EVI5L: variants seen among roughly 807,000 people sequenced by gnomAD.
EVI5L encodes the protein EVI5-like protein.
Under a neutral mutation model 106.1 loss-of-function variants are expected in EVI5L, and 30 were observed. That is an observed-to-expected ratio of 0.28 (90% CI 0.21 to 0.38). EVI5L has a LOEUF of 0.38. Among genes scored for constraint, EVI5L ranks in the 10% least tolerant of loss-of-function variants. The pLI is 1.00. For synonymous variants in EVI5L, 489 were observed against 483.3 expected, an observed-to-expected ratio of 1.01 and a Z score of -0.15; for missense variants, 809 against 1,098.0, an observed-to-expected ratio of 0.74 and a Z score of 3.72.
intron 2 of EVI5L, 133 bp downstream of exon 2, chr19:7,846,812 G>A (rs1325795799): frequency 2.7e-5 from 34 of 1,243,446 alleles, no homozygotes; most frequent in Non-Finnish European, 3.5e-5. Flanking sequence ...GATGCTGGAT[G>A]AGGGACAGAC....
chr19:7,831,358 T>C (rs1339262313), intron 1 of EVI5L, among the ~76,000 whole-genome samples: 1 of 138,108 alleles, frequency 7.2e-6, no homozygotes, highest in Admixed American at 7.3e-5. Flanking sequence ...CCCCACCCAC[T>C]CAACACTTCT....
At chr19:7,839,009 A>G (rs1457380517) in intron 1 of EVI5L, among the ~76,000 whole-genome samples, 2 of 151,778 alleles carry the variant, frequency 1.3e-5, no homozygotes, top group Admixed American at 1.3e-4. Flanking sequence ...AAAGAAAAAA[A>G]AAAAAATCCT....
chr19:7,843,384 A>AGTATGTGCAT (rs1978770497), intron 1 of EVI5L, among the ~76,000 whole-genome samples: 1 of 24,924 alleles, frequency 4.0e-5, no homozygotes, highest in Non-Finnish European at 9.3e-5. Context: ...GGGTGTGTCG[A>AGTATGTGCAT]GTGTGTGCAT....
chr19:7,863,287 C>A lies in EVI5L; in HGVS notation c.2139+7C>A. On this transcript the variant is annotated splice_region_variant and intron_variant, in intron 19 of 19. Coordinates refer to ENST00000538904, the MANE Select transcript of EVI5L (RefSeq NM_001159944.3). The surrounding 1 kb of genome is among the most constrained non-coding windows in gnomAD (Gnocchi z 7.7). ...CGAGGAGCTGAAGGCCGAGGTGAGC[C>A]GGCGCGGGGATGCCGGGGACAGGCC... is the stretch of plus-strand genomic sequence containing the variant. The A allele has an allele frequency of 6.4e-7, 1 of 1,553,256 alleles. No individual in the cohort carries two copies. Among genetic ancestry groups the A allele is most frequent in the South Asian group, 1.2e-5 (1 of 84,258 alleles).
Position 7,863,440 on chromosome 19 carries a change from G to A in EVI5L, c.2156G>A (p.Gly719Asp). 4 of 1,548,282 alleles carry A rather than the reference G, an allele frequency of 2.6e-6. No individual in the cohort carries two copies. The highest frequency in any genetic ancestry group is 3.5e-6 in the Non-Finnish European group (4 of 1,147,392). ...ELKAEVRLLK[G>D]PPPFEDPLAF... is the part of the protein sequence containing the mutation. The stretch of plus-strand genomic sequence containing the variant: ...CCGCCCCAGGTGCGGCTGCTGAAGG[G>A]CCCGCCGCCCTTCGAGGACCCGCTG... Residue 719 changes from glycine to aspartate, a missense_variant, in exon 20 of 20, where the codon GGC (glycine) becomes GAC (aspartate). Physicochemically the swap from Gly to Asp is moderately conservative, Grantham distance 94 (BLOSUM62 -1). Coordinates refer to ENST00000538904, the MANE Select transcript of EVI5L (RefSeq NM_001159944.3). The surrounding 1 kb of genome is among the most constrained non-coding windows in gnomAD (Gnocchi z 7.7).
intron 1 of EVI5L, among the ~76,000 whole-genome samples, chr19:7,842,513 G>A (rs1196775130): frequency 1.3e-5 from 2 of 149,312 alleles, no homozygotes; most frequent in Non-Finnish European, 2.9e-5. Flanking sequence ...TGTGTATCAA[G>A]TGTGTGCATG....
At chr19:7,839,613 G>A (rs1015495987) in intron 1 of EVI5L, among the ~76,000 whole-genome samples, 6 of 152,180 alleles carry the variant, frequency 3.9e-5, no homozygotes, top group South Asian at 4.1e-4. Flanking sequence ...TTCAATGGAC[G>A]TGGCAGGCGC....
Position 7,857,536 on chromosome 19 carries a change from C to T in EVI5L, c.1233+412C>T. Reference sequence around the variant, plus strand: ...CACACGCCCGGCCCTCACGCTGCTGCTCTCTGCTCCTACCTGCAATGCCTG... The same window carrying T: ...CACACGCCCGGCCCTCACGCTGCTGTTCTCTGCTCCTACCTGCAATGCCTG... On this transcript the variant is annotated intron_variant, in intron 12 of 19. Transcript: ENST00000538904. The surrounding 1 kb of genome is among the most constrained non-coding windows in gnomAD (Gnocchi z 4.5). The T allele has an allele frequency of 3.6e-6, 1 of 279,534 alleles. No homozygotes were observed. Among genetic ancestry groups the T allele is most frequent in the South Asian group, 4.6e-5 (1 of 21,978 alleles). 17.3% of individuals were successfully genotyped at this position (279,534 alleles called of 1,614,324 possible). A position where few individuals can be genotyped will look rare whatever the true frequency, so the allele number is the denominator to read the frequency against.
chr19:7,854,046 C>T (rs1979403381), intron 10 of EVI5L, among the ~76,000 whole-genome samples: 1 of 152,094 alleles, frequency 6.6e-6, no homozygotes, highest in African/African-American at 2.4e-5. Flanking sequence ...CTTTGGGAGG[C>T]GGAGGCAGGT....
At chr19:7,844,779 G>C (rs1978876673) in intron 1 of EVI5L, among the ~76,000 whole-genome samples, 1 of 152,226 alleles carries the variant, frequency 6.6e-6, no homozygotes, top group Non-Finnish European at 1.5e-5. Flanking sequence ...GCAGACTAGG[G>C]GAACGCTTGA....
chr19:7,857,273 C>T lies in EVI5L; in HGVS notation c.1233+149C>T. On this transcript the variant is annotated intron_variant, in intron 12 of 19. Coordinates refer to ENST00000538904, the MANE Select transcript of EVI5L (RefSeq NM_001159944.3). This position sits in a 1 kb window ranked among gnomAD's most constrained non-coding sequence, Gnocchi z 4.5. ...GCAGCTGGGGACCGCTTCTGGGGGACACAGAGGCTTCCCGGGGGGGCGGGG... is the reference window on the plus strand; with the variant it reads ...GCAGCTGGGGACCGCTTCTGGGGGATACAGAGGCTTCCCGGGGGGGCGGGG... 9.5e-7 allele frequency: 1 copy of T among 1,056,492 alleles called. No homozygotes were observed. Among genetic ancestry groups the T allele is most frequent in the Non-Finnish European group, 1.4e-6 (1 of 707,746 alleles). The allele number at this position is 1,056,492 out of a possible 1,614,324, so 65.4% of individuals were successfully genotyped here.
chr19:7,860,664 A>G lies in EVI5L; in HGVS notation c.1478A>G (p.Gln493Arg). 1 of 1,591,592 alleles carries G rather than the reference A, an allele frequency of 6.3e-7. No homozygotes were observed. The highest frequency in any genetic ancestry group is 8.6e-7 in the Non-Finnish European group (1 of 1,169,188). ...TETLGALREM[Q>R]DKVLDMEKRN... ...ACACTGGGGGCCCTTCGGGAGATGCAGGACAAGGTTCTCGACATGGAAAAG... is the reference window on the plus strand; with the variant it reads ...ACACTGGGGGCCCTTCGGGAGATGCGGGACAAGGTTCTCGACATGGAAAAG... The change falls in exon 14 of 20, where the codon CAG (glutamine) becomes CGG (arginine). Residue 493 changes from glutamine to arginine, a missense_variant. Transcript: ENST00000538904.
At chr19:7,844,594 G>A (rs1978870317) in intron 1 of EVI5L, among the ~76,000 whole-genome samples, 2 of 152,182 alleles carry the variant, frequency 1.3e-5, no homozygotes. Flanking sequence ...TCTCTGTCCG[G>A]GCAGACTTTG....
At chr19:7,853,941 T>G (rs1295182868) in intron 10 of EVI5L, among the ~76,000 whole-genome samples, 1 of 152,192 alleles carries the variant, frequency 6.6e-6, no homozygotes, top group African/African-American at 2.4e-5. Context: ...TTCTCTCTCC[T>G]TCCTTGCGCA....
At chr19:7,862,898 T>A in intron 17 of EVI5L, 74 bp from the exon 18 acceptor site, 4 of 915,360 alleles carry the variant, frequency 4.4e-6, no homozygotes, top group Non-Finnish European at 6.0e-6. Flanking sequence ...CATTCGCCCC[T>A]GCCCGCGGTC....
intron 1 of EVI5L, among the ~76,000 whole-genome samples, chr19:7,843,539 CGA>C (rs1047003021): frequency 2.2e-4 from 19 of 86,460 alleles, no homozygotes; most frequent in Non-Finnish European, 3.8e-4. Flanking sequence ...ATGGGTGTGT[CGA>C]GTGTGTGCAT....
Position 7,863,818 on chromosome 19 carries a change from G to A in EVI5L, c.*116G>A, listed in dbSNP as rs993678597. 1.5e-6 allele frequency: 2 copies of A among 1,367,758 alleles called. No homozygotes were observed. The highest frequency in any genetic ancestry group is 1.9e-6 in the Non-Finnish European group (2 of 1,050,418). 84.7% of individuals were successfully genotyped at this position (1,367,758 alleles called of 1,614,324 possible). A position where few individuals can be genotyped will look rare whatever the true frequency, so the allele number is the denominator to read the frequency against. On this transcript the variant is annotated 3_prime_UTR_variant, in exon 20 of 20. Transcript: ENST00000538904. This position sits in a 1 kb window ranked among gnomAD's most constrained non-coding sequence, Gnocchi z 7.7. ...CAAACTACGCGCCCTCTGTGGCTCG[G>A]CCACCCCTAAAGCGAGGCCCGGCGA...
chr19:7,856,959 C>T lies in EVI5L; in HGVS notation c.1201-133C>T, dbSNP rs1555694006. ...TCCTGCTGGTTCTCTGGTCTTCCCT[C>T]CTCTCTCCCCCGCTTCTAGAGATAG... On this transcript the variant is annotated intron_variant, in intron 11 of 19. Coordinates refer to ENST00000538904, the MANE Select transcript of EVI5L (RefSeq NM_001159944.3). This position sits in a 1 kb window ranked among gnomAD's most constrained non-coding sequence, Gnocchi z 6.6. The T allele has an allele frequency of 2.7e-5, 25 of 925,718 alleles. No homozygotes were observed. In the South Asian group the frequency reaches 3.3e-4, roughly 12 times the overall value. 57.3% of individuals were successfully genotyped at this position (925,718 alleles called of 1,614,324 possible).
At chr19:7,837,772 C>T (rs1197255864) in intron 1 of EVI5L, among the ~76,000 whole-genome samples, 1 of 152,034 alleles carries the variant, frequency 6.6e-6, no homozygotes, top group African/African-American at 2.4e-5. Flanking sequence ...GGTGCAGTCT[C>T]GGCTCACCAC....
Sources: allele counts gnomAD v4.1 joint callset (sites outside exome capture counted in the v4.1 genomes callset), GRCh38; gene constraint gnomAD v4.1.1; non-coding constraint Gnocchi (gnomAD v3.1); transcripts MANE v1.5; gene names NCBI Gene and HGNC (gene_info 2026-07-23, HGNC 2026-07-21).